HUWE1: variants seen among roughly 807,000 people sequenced by gnomAD.
The protein encoded by HUWE1 is E3 ubiquitin-protein ligase HUWE1.
In HUWE1, 18 loss-of-function variants were observed where a neutral mutation model predicts 299.4. The ratio of observed to expected loss-of-function variants is 0.06; its 90% CI spans 0.04 to 0.09. The LOEUF is 0.09. HUWE1 is among the 10% of genes least tolerant of loss of function. HUWE1 has a pLI of 1.00. For missense variants in HUWE1, 1,832 were observed against 3,462.3 expected (o/e 0.53, Z 11.82); for synonymous variants, 1,317 against 1,286.1 (o/e 1.02, Z -0.51).
chrX:53,643,274 TAC>T (rs1407087281), intron 7 of HUWE1, among the ~76,000 whole-genome samples: 2 of 112,235 alleles, frequency 1.8e-5, no homozygotes, highest in African/African-American at 6.5e-5. Context: ...CTCTTAAATT[TAC>T]AGTTTTAGCC....
chrX:53,666,664 A>G (rs782315170), intron 3 of HUWE1, among the ~76,000 whole-genome samples: 8 of 110,769 alleles, frequency 7.2e-5, no homozygotes, highest in Non-Finnish European at 1.3e-4. Context: ...CAGTGCTATG[A>G]TATTACATAA....
chrX:53,540,106 T>C (rs1224106482), intron 74 of HUWE1, among the ~76,000 whole-genome samples: 11 of 112,507 alleles, frequency 9.8e-5, no homozygotes, highest in Admixed American at 3.8e-4. Context: ...GTCTAGTCAC[T>C]GCCTCACTAG....
intron 76 of HUWE1, 83 bp downstream of exon 76, chrX:53,538,752 T>A (rs907199475): frequency 1.2e-5 from 11 of 917,172 alleles, no homozygotes; most frequent in Admixed American, 7.9e-5. Flanking sequence ...TCTCTCTCTC[T>A]CATCAACTAA....
intron 2 of HUWE1, chrX:53,684,318 T>G (rs2070358999): frequency 8.1e-6 from 1 of 123,236 alleles, no homozygotes; most frequent in African/African-American, 3.1e-5. Context: ...TGGTGCACAC[T>G]CCTAAAAAGG....
intron 2 of HUWE1, among the ~76,000 whole-genome samples, chrX:53,684,570 C>T (rs887734774): frequency 7.1e-5 from 8 of 112,071 alleles, no homozygotes; most frequent in African/African-American, 2.6e-4. Flanking sequence ...CCTGTTTATT[C>T]TCACGCTTCC....
intron 78 of HUWE1, among the ~76,000 whole-genome samples, chrX:53,537,055 G>GA (rs1473252266): frequency 1.8e-5 from 2 of 111,828 alleles, no homozygotes; most frequent in African/African-American, 6.5e-5. Context: ...TCTGTCTAGG[G>GA]AGACTCCCTG....
In HUWE1 at chrX:53,615,803, C is replaced by T. The variant is rs1557006877; in HGVS notation, c.1990G>A (p.Asp664Asn). The T allele has an allele frequency of 8.3e-7, 1 of 1,208,881 alleles. No homozygotes were observed. Among genetic ancestry groups the T allele is most frequent in the Non-Finnish European group, 1.1e-6 (1 of 893,267 alleles). The change falls in exon 22 of 84, where the codon GAT becomes AAT. Residue 664 changes from aspartate to asparagine, a missense_variant. Asp to Asn is a conservative substitution (Grantham distance 23). Transcript: ENST00000262854. ...DTASNLGSAV[D>N]ELMRHQPTLK... Reference sequence around the variant, plus strand: ...GTGGGCTGATGTCTCATGAGCTCATCGACAGCACTCCCCAGGTTGGATGCA... The same window carrying T: ...GTGGGCTGATGTCTCATGAGCTCATTGACAGCACTCCCCAGGTTGGATGCA...
In HUWE1 at chrX:53,584,238, C is replaced by T. The variant is rs782328168; in HGVS notation, c.5109G>A (p.Thr1703=). The change falls in exon 41 of 84, where the codon ACG becomes ACA. Residue 1703 remains threonine, a synonymous_variant. Coordinates refer to ENST00000262854, the MANE Select transcript of HUWE1 (RefSeq NM_031407.7). ...KNSNGQELEK[T]LEESKEMDIK... ...TATCCATTTCTTTGCTTTCTTCCAG[C>T]GTCTTCTCTAGTTCCTGTCCATTGC... 1.2e-4 allele frequency: 139 copies of T among 1,205,977 alleles called. No homozygotes were observed. Among genetic ancestry groups the T allele is most frequent in the Non-Finnish European group, 1.5e-4 (134 of 891,732 alleles).
intron 60 of HUWE1, among the ~76,000 whole-genome samples, chrX:53,555,555 A>T (rs1470267061): frequency 1.8e-5 from 2 of 110,362 alleles, no homozygotes; most frequent in African/African-American, 6.6e-5. Context: ...TCAAACTCCT[A>T]AGCTCTAGCA....
At chrX:53,597,421 C>G (rs1463078773) in intron 29 of HUWE1, among the ~76,000 whole-genome samples, 1 of 101,176 alleles carries the variant, frequency 9.9e-6, no homozygotes, top group Non-Finnish European at 2.0e-5. Flanking sequence ...CAGACTCACT[C>G]CTCTATTTTG....
chrX:53,543,606 T>C (rs2061439402), intron 73 of HUWE1: 1 of 443,931 alleles, frequency 2.3e-6, no homozygotes, highest in African/African-American at 2.5e-5. Context: ...GCGCCACTGT[T>C]GACTGGATAG....
chrX:53,575,658 T>G lies in HUWE1; in HGVS notation c.6015A>C (p.Ser2005=). ...ATTGACTTACATTAATGGAAAAACC[T>G]GACTGCGTATCAAAGTCACTGCTCT... The part of the protein sequence containing the change: ...TRQSSDFDTQ[S]GFSINSQVFA... Residue 2005 remains serine (S), a synonymous_variant, in exon 45 of 84, where the codon TCA becomes TCC. Transcript: ENST00000262854. The G allele has an allele frequency of 8.3e-7, 1 of 1,211,473 alleles. No individual in the cohort carries two copies. Among genetic ancestry groups the G allele is most frequent in the South Asian group, 1.8e-5 (1 of 56,960 alleles).
chrX:53,684,788 A>G (rs2070379295), intron 2 of HUWE1, among the ~76,000 whole-genome samples: 1 of 112,319 alleles, frequency 8.9e-6, no homozygotes, highest in African/African-American at 3.2e-5. Context: ...AACCTACATT[A>G]TCCAGACTCC....
intron 40 of HUWE1, 130 bp from the exon 41 acceptor site, chrX:53,584,475 C>T: frequency 1.8e-6 from 1 of 570,396 alleles, no homozygotes; most frequent in Non-Finnish European, 2.8e-6. Flanking sequence ...CCACCTTTAT[C>T]ATTTACAGAG....
Position 53,539,084 on chromosome X carries a change from G to A in HUWE1, c.11633-4C>T. ...GCCTCGACAGCAGGCTGTAGCACTA[G>A]GGTTAGGAATGATGGAGAAGTAACA... On this transcript the variant is annotated splice_polypyrimidine_tract_variant and splice_region_variant and intron_variant, in intron 75 of 83. Coordinates refer to ENST00000262854, the MANE Select transcript of HUWE1 (RefSeq NM_031407.7). The A allele has an allele frequency of 2.5e-6, 3 of 1,208,073 alleles. No individual in the cohort carries two copies. Among genetic ancestry groups the A allele is most frequent in the Non-Finnish European group, 3.4e-6 (3 of 893,316 alleles).
intron 23 of HUWE1, among the ~76,000 whole-genome samples, chrX:53,613,327 G>A (rs1557004238): frequency 1.8e-5 from 2 of 111,297 alleles, no homozygotes; most frequent in African/African-American, 6.6e-5. Flanking sequence ...TACCAGTTTC[G>A]GATTCTAGGC....
Position 53,560,232 on chromosome X carries a change from G to A in HUWE1, c.7692C>T (p.His2564=), listed in dbSNP as rs1556939559. Residue 2564 remains histidine (H), a synonymous_variant, in exon 56 of 84, where the codon CAC becomes CAT. Transcript: ENST00000262854. ...TANTGHTIHV[H]YPGNRQPNPP... is the part of the protein sequence containing the mutation. ...GGTTGGGCTGGCGATTCCCAGGGTA[G>A]TGAACATGAATGGTGTGGCCAGTAT... is the stretch of plus-strand genomic sequence containing the variant. The A allele has an allele frequency of 1.7e-6, 2 of 1,206,452 alleles. No homozygotes were observed. The highest frequency in any genetic ancestry group is 2.2e-5 in the Admixed American group (1 of 45,254).
At chrX:53,660,223 C>A (rs1248946154) in intron 3 of HUWE1, among the ~76,000 whole-genome samples, 3 of 112,080 alleles carry the variant, frequency 2.7e-5, no homozygotes, top group African/African-American at 9.7e-5. Flanking sequence ...TGGGGTACTT[C>A]TGCTGCCAAC....
chrX:53,535,233 A>G, intron 81 of HUWE1, 151 bp downstream of exon 81: 1 of 499,701 alleles, frequency 2.0e-6, no homozygotes, highest in Non-Finnish European at 3.6e-6. Context: ...CCGTGCCCAA[A>G]GTTAAGTATT....
Sources: allele counts gnomAD v4.1 joint callset (sites outside exome capture counted in the v4.1 genomes callset), GRCh38; gene constraint gnomAD v4.1.1; transcripts MANE v1.5; gene names NCBI Gene and HGNC (gene_info 2026-07-23, HGNC 2026-07-21).